Variants in AK8 observed in about 807,000 individuals in gnomAD.
The protein encoded by AK8 is ATP-AMP transphosphorylase 8.
Under a neutral mutation model 54.6 loss-of-function variants are expected in AK8, and 44 were observed. The ratio of observed to expected loss-of-function variants is 0.81; its 90% confidence interval spans 0.63 to 1.04. The LOEUF (loss-of-function observed/expected upper bound fraction) is 1.04, where lower values mean the gene tolerates loss of function less well. Among genes scored for constraint, AK8 ranks in the 50% least tolerant of loss-of-function variants. The probability of loss-of-function intolerance (pLI) is 0.00; values close to 1 mark genes in which losing one functional copy is unlikely to be tolerated. For synonymous variants in AK8, 239 were observed against 245.6 expected (o/e 0.97, Z 0.25); for missense variants, 555 against 613.6 (o/e 0.90, Z 1.01).
At position 132,751,727 on chromosome 9, in the gene AK8, G is replaced by A. The variant is rs549990098; in HGVS notation, c.1122-24193C>T. Among the ~76,000 whole-genome samples, 9 of 152,028 alleles carry A rather than the reference G, an allele frequency of 5.9e-5. No individual in the cohort carries two copies. The South Asian group carries it at 1.0e-3, about 18-fold the overall frequency. ...AAAGAAGTACTGTGCAGCCACTGAC[G>A]GTGAGGCTGGGGACAGTGTTTGTGA... On this transcript the variant is annotated intron_variant, in intron 11 of 12. Coordinates refer to ENST00000298545, the MANE Select transcript of AK8 (RefSeq NM_152572.3).
intron 9 of AK8, 66 bp from the exon 10 acceptor site, chr9:132,814,793 G>T: frequency 7.1e-7 from 1 of 1,417,044 alleles, no homozygotes. Context: ...GAGAAAAAAA[G>T]AACCCCCAGT....
At chr9:132,842,619 A>G (rs1354736537) in intron 5 of AK8, among the ~76,000 whole-genome samples, 2 of 152,232 alleles carry the variant, frequency 1.3e-5, no homozygotes, top group Non-Finnish European at 2.9e-5. Context: ...CCACTGCTGC[A>G]TAACAATCTT....
At chr9:132,866,525 T>C (rs1843604090) in intron 3 of AK8, among the ~76,000 whole-genome samples, 1 of 152,128 alleles carries the variant, frequency 6.6e-6, no homozygotes, top group South Asian at 2.1e-4. Context: ...TCAGAGTAAA[T>C]ATTAAGATTC....
intron 2 of AK8, among the ~76,000 whole-genome samples, chr9:132,867,617 G>C (rs1189419951): frequency 3.3e-5 from 5 of 152,342 alleles, no homozygotes; most frequent in African/African-American, 1.2e-4. Context: ...GGCTCACCCG[G>C]CAGGTGAAGC....
chr9:132,781,708 T>C lies in AK8; in HGVS notation c.1121+10926A>G, dbSNP rs1331731204. ...AGGCTATAATTCTGTCAAGATTTCC[T>C]CCTGGTGTCAAAAACAGCAACACCA... On this transcript the variant is annotated intron_variant, in intron 11 of 12. Coordinates refer to ENST00000298545, the MANE Select transcript of AK8 (RefSeq NM_152572.3). This position sits in a 1 kb window ranked among gnomAD's most constrained non-coding sequence, Gnocchi z 4.6. Among the ~76,000 whole-genome samples, 1 of 152,208 alleles carries C rather than the reference T, an allele frequency of 6.6e-6. No individual in the cohort carries two copies.
At chr9:132,758,687 G>A (rs1024222137) in intron 11 of AK8, among the ~76,000 whole-genome samples, 1 of 151,226 alleles carries the variant, frequency 6.6e-6, no homozygotes, top group Non-Finnish European at 1.5e-5. Flanking sequence ...TCTAACTCCT[G>A]AGCTCAAGTG....
chr9:132,775,436 G>A (rs556482772), intron 11 of AK8, among the ~76,000 whole-genome samples: 6 of 152,218 alleles, frequency 3.9e-5, no homozygotes, highest in African/African-American at 1.4e-4. Context: ...CCAAGTAGCT[G>A]GAATTACAGG....
intron 10 of AK8, among the ~76,000 whole-genome samples, chr9:132,800,893 C>T (rs215184): frequency 2.0e-5 from 3 of 150,738 alleles, no homozygotes; most frequent in African/African-American, 7.3e-5. Flanking sequence ...GGCAGAGATG[C>T]CCAACAGTGA....
intron 5 of AK8, among the ~76,000 whole-genome samples, chr9:132,843,944 G>A (rs1366964206): frequency 6.6e-6 from 1 of 152,202 alleles, no homozygotes; most frequent in Non-Finnish European, 1.5e-5. Flanking sequence ...CAGGGTAGCT[G>A]TGGGGAGATG....
At chr9:132,809,447 G>A (rs1317092045) in intron 10 of AK8, among the ~76,000 whole-genome samples, 2 of 152,112 alleles carry the variant, frequency 1.3e-5, no homozygotes, top group Admixed American at 6.6e-5. Flanking sequence ...AAGTCCCTCC[G>A]GCTCTCCCAT....
intron 10 of AK8, among the ~76,000 whole-genome samples, chr9:132,796,569 A>T (rs1170061915): frequency 6.6e-6 from 1 of 152,216 alleles, no homozygotes; most frequent in Non-Finnish European, 1.5e-5. Context: ...AAATCAAAGA[A>T]GGTACATCTC....
chr9:132,850,650 G>A (rs1218822854), intron 5 of AK8, among the ~76,000 whole-genome samples: 7 of 151,960 alleles, frequency 4.6e-5, no homozygotes, highest in Admixed American at 2.6e-4. Flanking sequence ...CGCCCGCCTC[G>A]CCTTCCCAAA....
chr9:132,768,437 T>G (rs1340234950), intron 11 of AK8, among the ~76,000 whole-genome samples: 1 of 152,132 alleles, frequency 6.6e-6, no homozygotes, highest in Non-Finnish European at 1.5e-5. Context: ...CCAGCTAATT[T>G]TGTATTTTTA....
At chr9:132,869,259 G>A (rs1452307509) in intron 2 of AK8, among the ~76,000 whole-genome samples, 1 of 152,178 alleles carries the variant, frequency 6.6e-6, no homozygotes, top group Non-Finnish European at 1.5e-5. Context: ...TCCTGCACAG[G>A]CTGGGGAGCC....
intron 10 of AK8, among the ~76,000 whole-genome samples, chr9:132,797,382 T>C (rs1382520205): frequency 6.6e-6 from 1 of 152,186 alleles, no homozygotes; most frequent in Admixed American, 6.5e-5. Flanking sequence ...CAAGCGTTCA[T>C]GGGCCAGAGA....
chr9:132,821,768 TG>T lies in AK8; in HGVS notation c.889+1436del, dbSNP rs1564421279. ...ATGTATATACAAATATATACATATA[TG>T]TATATGTGTATGTATATACAAATAT... is the stretch of plus-strand genomic sequence containing the variant. On this transcript the variant is annotated intron_variant, in intron 9 of 12. Coordinates refer to ENST00000298545, the MANE Select transcript of AK8 (RefSeq NM_152572.3). Among the ~76,000 whole-genome samples the T allele has an allele frequency of 1.2e-3, 129 of 110,344 alleles. 7 individuals carry two copies. In the East Asian group the frequency reaches 0.022, roughly 19 times the overall value. The allele number at this position is 110,344 out of a possible 152,430, so 72.4% of individuals were successfully genotyped here.
At position 132,834,044 on chromosome 9, in the gene AK8, G is replaced by C. The variant is rs868755439; in HGVS notation, c.403-5318C>G. Among the ~76,000 whole-genome samples, 20 of 152,328 alleles carry C rather than the reference G, an allele frequency of 1.3e-4. No homozygotes were observed. In the Middle Eastern group the frequency reaches 0.01, roughly 78 times the overall value. ...GCAGACTCCACCGGAGGCATTCCCT[G>C]GAGCTGCATGCTCAATCTCTGCAGT... On this transcript the variant is annotated intron_variant, in intron 5 of 12. Coordinates refer to ENST00000298545, the MANE Select transcript of AK8 (RefSeq NM_152572.3).
intron 11 of AK8, among the ~76,000 whole-genome samples, chr9:132,751,399 A>C (rs907668137): frequency 4.1e-5 from 6 of 146,876 alleles, no homozygotes; most frequent in Admixed American, 1.3e-4. Context: ...AAAAAAAACA[A>C]AAAAAACCAA....
intron 11 of AK8, among the ~76,000 whole-genome samples, chr9:132,748,063 C>T (rs1837739208): frequency 6.6e-6 from 1 of 151,628 alleles, no homozygotes; most frequent in Non-Finnish European, 1.5e-5. Flanking sequence ...GGTGCCATTG[C>T]ACTCCAGCCT....
Sources: allele counts gnomAD v4.1 joint callset (sites outside exome capture counted in the v4.1 genomes callset), GRCh38; gene constraint gnomAD v4.1.1; non-coding constraint Gnocchi (gnomAD v3.1); transcripts MANE v1.5; gene names NCBI Gene and HGNC (gene_info 2026-07-23, HGNC 2026-07-21).